Variants in BEND7 observed in about 807,000 individuals in gnomAD.
BEND7 encodes the protein BEN domain-containing protein 7.
Under a neutral mutation model 50.9 loss-of-function variants are expected in BEND7, and 28 were observed. The observed-to-expected ratio is 0.55, with a 90% CI of 0.41 to 0.75. The LOEUF is 0.75. BEND7 is among the 30% of genes least tolerant of loss of function. BEND7 has a pLI of 0.00. For missense variants in BEND7, 477 were observed against 491.3 expected, an observed-to-expected ratio of 0.97 and a Z score of 0.28; for synonymous variants, 170 against 183.9, an observed-to-expected ratio of 0.92 and a Z score of 0.61.
chr10:13,455,127 G>A (rs1838644874), intron 6 of BEND7, among the ~76,000 whole-genome samples: 1 of 151,474 alleles, frequency 6.6e-6, no homozygotes, highest in Non-Finnish European at 1.5e-5. Flanking sequence ...AGCCGAGAAC[G>A]CACCACTGCA....
chr10:13,480,690 A>G lies in BEND7; in HGVS notation c.1063+209T>C, dbSNP rs965559624. On this transcript the variant is annotated intron_variant, in intron 6 of 8. Coordinates refer to ENST00000466271, the MANE Select transcript of BEND7 (RefSeq NM_001369863.1). ...AACTGGCTCTTAAATTATTATTTCA[A>G]CAAATTAACATTACCTTGAATAATG... 25 of 985,218 alleles carry G rather than the reference A, an allele frequency of 2.5e-5. No homozygotes were observed. In the African/African-American group the frequency reaches 4.4e-4, roughly 17 times the overall value. The allele number at this position is 985,218 out of a possible 1,614,324, so 61.0% of individuals were successfully genotyped here.
chr10:13,507,677 AG>A (rs2132389348), intron 2 of BEND7, among the ~76,000 whole-genome samples: 1 of 152,338 alleles, frequency 6.6e-6, no homozygotes, highest in East Asian at 1.9e-4. Flanking sequence ...CCTGAAGGTG[AG>A]GCCACAGATG....
At chr10:13,504,877 C>T (rs983622958) in intron 2 of BEND7, among the ~76,000 whole-genome samples, 2 of 152,174 alleles carry the variant, frequency 1.3e-5, no homozygotes, top group Non-Finnish European at 2.9e-5. Context: ...AATTTCAAGA[C>T]TCTACTAGAT....
At chr10:13,520,996 G>C (rs1457036106) in intron 2 of BEND7, among the ~76,000 whole-genome samples, 1 of 152,092 alleles carries the variant, frequency 6.6e-6, no homozygotes, top group Non-Finnish European at 1.5e-5. Context: ...GCCATTTTTC[G>C]GTCCTAGAGT....
At chr10:13,500,569 C>T (rs191100478) in intron 2 of BEND7, 48 of 989,238 alleles carry the variant, frequency 4.9e-5, no homozygotes, top group Admixed American at 1.7e-4. Context: ...CTGGCAGGGA[C>T]GCAGGGCTTC....
intron 2 of BEND7, among the ~76,000 whole-genome samples, chr10:13,506,201 CT>C (rs1261376563): frequency 1.4e-5 from 2 of 144,522 alleles, no homozygotes; most frequent in East Asian, 2.0e-4. Flanking sequence ...AACTGCCCCC[CT>C]GTTTGCAGAT....
downstream of BEND7, chr10:13,439,335 G>T (rs751931451): frequency 9.3e-6 from 15 of 1,614,044 alleles, no homozygotes; most frequent in Non-Finnish European, 1.2e-5. Flanking sequence ...TCCTGTTTCA[G>T]CTCTGTCTCT....
chr10:13,457,313 A>G (rs375174116), intron 6 of BEND7, among the ~76,000 whole-genome samples: 2 of 152,240 alleles, frequency 1.3e-5, no homozygotes, highest in East Asian at 3.8e-4. Context: ...GAGGGGGTTC[A>G]GATCAGACCT....
intron 2 of BEND7, 132 bp from the exon 3 acceptor site, chr10:13,500,212 C>T (rs1249508721): frequency 1.2e-6 from 1 of 819,552 alleles, no homozygotes; most frequent in Non-Finnish European, 1.8e-6. Flanking sequence ...TGAACTTAAT[C>T]TGTAAAACGC....
chr10:13,497,156 G>A (rs533598327), intron 3 of BEND7, among the ~76,000 whole-genome samples: 2 of 152,348 alleles, frequency 1.3e-5, no homozygotes, highest in South Asian at 2.1e-4. Context: ...CACACACAAT[G>A]AGTGGGCACA....
At chr10:13,485,123 TC>T (rs958313743) in intron 5 of BEND7, among the ~76,000 whole-genome samples, 42 of 151,954 alleles carry the variant, frequency 2.8e-4, no homozygotes, top group African/African-American at 1.0e-3. Flanking sequence ...GGCTCCCAAG[TC>T]CCCATGAGCA....
intron 2 of BEND7, among the ~76,000 whole-genome samples, chr10:13,512,952 T>C (rs921681752): frequency 6.6e-6 from 1 of 152,194 alleles, no homozygotes; most frequent in African/African-American, 2.4e-5. Context: ...CTTAAATCAG[T>C]GTCTTCCAAA....
intron 4 of BEND7, 107 bp from the exon 5 acceptor site, chr10:13,492,983 A>G: frequency 7.6e-7 from 1 of 1,314,236 alleles, no homozygotes; most frequent in Non-Finnish European, 1.0e-6. Flanking sequence ...AACGAGGAAA[A>G]CTCCAGGATG....
In BEND7 at chr10:13,506,647, A is replaced by C. The variant is rs958311206; in HGVS notation, c.146-6567T>G. 1.2e-3 allele frequency among the ~76,000 whole-genome samples: 179 copies of C among 152,328 alleles called. 2 individuals are homozygous for C. Among genetic ancestry groups the C allele is most frequent in the Non-Finnish European group, 1.2e-3 (80 of 68,034 alleles). On this transcript the variant is annotated intron_variant, in intron 2 of 8. Coordinates refer to ENST00000466271, the MANE Select transcript of BEND7 (RefSeq NM_001369863.1). ...TATCCTACACAAAAACAATTCTGGC[A>C]AAATTATGGTGAAACCGGTATGGCA...
intron 8 of BEND7, chr10:13,447,047 T>A (rs570298530): frequency 1.7e-6 from 1 of 572,632 alleles, no homozygotes; most frequent in South Asian, 2.3e-5. Context: ...TCTGAGATTT[T>A]TATGAAAATA....
chr10:13,458,919 A>C (rs1839612787), intron 6 of BEND7, among the ~76,000 whole-genome samples: 1 of 152,170 alleles, frequency 6.6e-6, no homozygotes, highest in African/African-American at 2.4e-5. Context: ...GAGGCAGTTT[A>C]TACACATCTC....
intron 2 of BEND7, chr10:13,502,965 T>C (rs1264125973): frequency 2.0e-6 from 2 of 982,124 alleles, no homozygotes; most frequent in African/African-American, 1.7e-5. Context: ...TCTGTAGATA[T>C]AATGCTAGGA....
chr10:13,493,416 A>G (rs1432827752), intron 4 of BEND7, among the ~76,000 whole-genome samples: 3 of 152,212 alleles, frequency 2.0e-5, no homozygotes, highest in African/African-American at 7.2e-5. Context: ...ACCAGTAAGC[A>G]TGTGGGAAAA....
chr10:13,461,388 C>T (rs751970258), intron 6 of BEND7, among the ~76,000 whole-genome samples: 15 of 152,098 alleles, frequency 9.9e-5, no homozygotes, highest in Non-Finnish European at 2.2e-4. Flanking sequence ...AGGGAGGCAA[C>T]GAGCAAGCTC....
Sources: allele counts gnomAD v4.1 joint callset (sites outside exome capture counted in the v4.1 genomes callset), GRCh38; gene constraint gnomAD v4.1.1; transcripts MANE v1.5; gene names NCBI Gene and HGNC (gene_info 2026-07-23, HGNC 2026-07-21).